C2CD2: variants seen among roughly 807,000 people sequenced by gnomAD.
C2CD2 encodes the protein C2 domain-containing protein 2.
A neutral mutation model predicts 74.3 loss-of-function variants in C2CD2; 43 were observed. The ratio of observed to expected loss-of-function variants is 0.58; its 90% CI spans 0.45 to 0.75. The LOEUF (loss-of-function observed/expected upper bound fraction) is 0.75, where lower values mean the gene tolerates loss of function less well. C2CD2 is among the 30% of genes least tolerant of loss of function. C2CD2 has a pLI of 0.00. For missense variants in C2CD2, 801 were observed against 916.3 expected, an observed-to-expected ratio of 0.87 and a Z score of 1.63; for synonymous variants, 422 against 390.7, an observed-to-expected ratio of 1.08 and a Z score of -0.94.
intron 12 of C2CD2, 41 bp downstream of exon 12, chr21:41,901,581 A>T: frequency 6.2e-7 from 1 of 1,603,686 alleles, no homozygotes; most frequent in Non-Finnish European, 8.5e-7. Flanking sequence ...GGTCACTGAC[A>T]GATGACCAGA....
Position 41,923,854 on chromosome 21 carries a change from C to T in C2CD2, c.379-1769G>A, listed in dbSNP as rs888953203. On this transcript the variant is annotated intron_variant, in intron 2 of 13. Transcript: ENST00000380486. This position sits in a 1 kb window ranked among gnomAD's most constrained non-coding sequence, Gnocchi z 5.8. ...CCGGGGGCAGAGGGCCAAGCAGACA[C>T]GTGTGGGATAATTACCAGGCCAGGT... 6.6e-6 allele frequency among the ~76,000 whole-genome samples: 1 copy of T among 152,102 alleles called. No individual in the cohort carries two copies. The highest frequency in any genetic ancestry group is 6.5e-5 in the Admixed American group (1 of 15,278).
rs2065069167 is a variant in C2CD2 at position 41,914,736 on chromosome 21, A to G, written c.721-15T>C. ...CACTGTAAGTTCTGAAAAAATAAAG[A>G]GCACTTTATTTTTGGTCTTCATGGG... On this transcript the variant is annotated splice_polypyrimidine_tract_variant and intron_variant, in intron 5 of 13. Transcript: ENST00000380486. 11 of 1,608,968 alleles carry G rather than the reference A, an allele frequency of 6.8e-6. No homozygotes were observed. Among genetic ancestry groups the G allele is most frequent in the Non-Finnish European group, 8.5e-6 (10 of 1,177,058 alleles).
rs1039989424 is a variant in C2CD2, at chr21:41,926,836, T to G, written c.379-4751A>C. ...GAAACTAGCAATGCAGCTGAGGAAA[T>G]GTATACAAAAGGTTTAGATACTCGA... On this transcript the variant is annotated intron_variant, in intron 2 of 13. Transcript: ENST00000380486. The surrounding 1 kb of genome is among the most constrained non-coding windows in gnomAD (Gnocchi z 8.0). 3.3e-5 allele frequency: 5 copies of G among 153,388 alleles called. No individual in the cohort carries two copies. In the East Asian group the frequency reaches 9.6e-4, roughly 30 times the overall value. The allele number at this position is 153,388 out of a possible 1,614,324, so 9.5% of individuals were successfully genotyped here.
intron 2 of C2CD2, among the ~76,000 whole-genome samples, chr21:41,937,574 A>C (rs755776136): frequency 3.3e-5 from 5 of 152,208 alleles, no homozygotes; most frequent in African/African-American, 4.8e-5. Flanking sequence ...CGGATTTTTG[A>C]TGGCACAAGG....
chr21:41,935,214 A>C (rs1476741580), intron 2 of C2CD2, among the ~76,000 whole-genome samples: 1 of 152,140 alleles, frequency 6.6e-6, no homozygotes, highest in Non-Finnish European at 1.5e-5. Context: ...GTGTTCATTC[A>C]TTAGAATTTT....
intron 5 of C2CD2, among the ~76,000 whole-genome samples, chr21:41,915,307 A>G (rs930243995): frequency 4.6e-5 from 7 of 152,246 alleles, no homozygotes; most frequent in African/African-American, 1.4e-4. Flanking sequence ...ACATCCTCCA[A>G]TAGACACCAC....
chr21:41,950,506 C>T (rs373408334), intron 1 of C2CD2, among the ~76,000 whole-genome samples: 3 of 152,210 alleles, frequency 2.0e-5, no homozygotes, highest in East Asian at 1.9e-4. Flanking sequence ...AGGACTCCTC[C>T]GGTGCTGACC....
chr21:41,913,507 G>A (rs906518114), intron 6 of C2CD2, among the ~76,000 whole-genome samples: 10 of 152,284 alleles, frequency 6.6e-5, no homozygotes, highest in Middle Eastern at 3.4e-3. Context: ...TGTGAGAGCT[G>A]GGACCCCAAC....
rs57418741 is a variant in C2CD2, at chr21:41,897,032, T to A, written c.1870+2021A>T. Among the ~76,000 whole-genome samples, 639 of 152,332 alleles carry A rather than the reference T, an allele frequency of 4.2e-3. 6 individuals carry two copies. The highest frequency in any genetic ancestry group is 0.014 in the African/African-American group (597 of 41,572). ...CCGAGCCTCCGGCAAGTTCTGAGCC[T>A]GCGTTGCAGGTGGCCAGCCCCAGCC... On this transcript the variant is annotated intron_variant, in intron 13 of 13. Coordinates refer to ENST00000380486, the MANE Select transcript of C2CD2 (RefSeq NM_015500.2).
At position 41,926,031 on chromosome 21, in the gene C2CD2, A is replaced by G. The variant is rs952712977; in HGVS notation, c.379-3946T>C. 1.3e-5 allele frequency among the ~76,000 whole-genome samples: 2 copies of G among 152,198 alleles called. No homozygotes were observed. Among genetic ancestry groups the G allele is most frequent in the African/African-American group, 4.8e-5 (2 of 41,446 alleles). On this transcript the variant is annotated intron_variant, in intron 2 of 13. Coordinates refer to ENST00000380486, the MANE Select transcript of C2CD2 (RefSeq NM_015500.2). The surrounding 1 kb of genome is among the most constrained non-coding windows in gnomAD (Gnocchi z 8.0). ...CCCTCTGAAACAGTCTGCTATTAAT[A>G]CAGGATTTTAAAAAGTTAAATAGAA...
intron 2 of C2CD2, among the ~76,000 whole-genome samples, chr21:41,938,653 T>C (rs1005580801): frequency 2.6e-5 from 4 of 152,190 alleles, no homozygotes; most frequent in African/African-American, 9.7e-5. Flanking sequence ...ATACAGCATT[T>C]GTCCTTTCAC....
chr21:41,951,590 T>C (rs2065451124), intron 1 of C2CD2, among the ~76,000 whole-genome samples: 1 of 152,042 alleles, frequency 6.6e-6, no homozygotes, highest in Non-Finnish European at 1.5e-5. Flanking sequence ...CCCTCTCTCC[T>C]CTCCCTGAAC....
rs777464401 is a variant in C2CD2, at chr21:41,929,095, TAAAAAGTAAAAAAAAA to T, written c.379-7026_379-7011del. On this transcript the variant is annotated intron_variant, in intron 2 of 13. Coordinates refer to ENST00000380486, the MANE Select transcript of C2CD2 (RefSeq NM_015500.2). The surrounding 1 kb of genome is among the most constrained non-coding windows in gnomAD (Gnocchi z 4.6). Reference sequence around the variant, plus strand: ...TGAGATCCCACCTCTAAAAAATATTTAAAAAGTAAAAAAAAAAAAAAGTAATAAAAATGCAAAAAGA... The same window carrying T: ...TGAGATCCCACCTCTAAAAAATATTTAAAAAGTAATAAAAATGCAAAAAGA... Among the ~76,000 whole-genome samples the T allele has an allele frequency of 1.8e-4, 27 of 149,738 alleles. No homozygotes were observed. The highest frequency in any genetic ancestry group is 6.8e-3 in the Middle Eastern group (2 of 294).
intron 2 of C2CD2, among the ~76,000 whole-genome samples, chr21:41,922,476 CT>C (rs34651080): frequency 0.2 from 28,136 of 139,198 alleles, 2,744 homozygotes; most frequent in Middle Eastern, 0.34. Context: ...CCATAGGCAT[CT>C]TTTTTTTTTT....
intron 6 of C2CD2, 35 bp downstream of exon 6, chr21:41,914,563 C>T (rs1258114208): frequency 1.1e-5 from 17 of 1,604,094 alleles, no homozygotes; most frequent in Admixed American, 1.7e-5. Context: ...GCTGGAAGAG[C>T]CCCTCCAGGC....
In C2CD2 at chr21:41,926,477, C is replaced by A; in HGVS notation, c.379-4392G>T. 1 of 811,092 alleles carries A rather than the reference C, an allele frequency of 1.2e-6. No individual in the cohort carries two copies. 50.2% of individuals were successfully genotyped at this position (811,092 alleles called of 1,614,324 possible). ...GCACCACGGGGAGGGGAAAACAAGA[C>A]TGAAGGCTGAAGAGCAGGCTGAGCG... On this transcript the variant is annotated intron_variant, in intron 2 of 13. Coordinates refer to ENST00000380486, the MANE Select transcript of C2CD2 (RefSeq NM_015500.2). The surrounding 1 kb of genome is among the most constrained non-coding windows in gnomAD (Gnocchi z 8.0).
intron 4 of C2CD2, 50 bp from the exon 5 acceptor site, chr21:41,918,277 T>G (rs370680983): frequency 1.5e-4 from 237 of 1,600,576 alleles, no homozygotes; most frequent in Non-Finnish European, 1.9e-4. Context: ...GCCCACTCCC[T>G]GCTCCCAATC....
chr21:41,905,615 GC>G, intron 11 of C2CD2, 108 bp downstream of exon 11: 1 of 622,686 alleles, frequency 1.6e-6, no homozygotes, highest in Non-Finnish European at 2.9e-6. Flanking sequence ...ACCACACCAG[GC>G]CCAAAACAAC....
intron 7 of C2CD2, chr21:41,912,061 C>A (rs2065031771): frequency 3.1e-6 from 1 of 324,284 alleles, no homozygotes; most frequent in Non-Finnish European, 5.6e-6. Flanking sequence ...CCCTTTTCAC[C>A]CTGGATGATA....
Sources: gnomAD v4.1 joint callset for allele counts (sites outside exome capture counted in the v4.1 genomes callset) on GRCh38, gnomAD v4.1.1 for gene constraint, Gnocchi (gnomAD v3.1) non-coding constraint, MANE v1.5 for transcripts, NCBI Gene and HGNC (gene_info 2026-07-23, HGNC 2026-07-21) for gene names.